Variants in CNTN3 observed in about 807,000 individuals in gnomAD.
The protein encoded by CNTN3 is contactin-3.
Under a neutral mutation model 119.1 loss-of-function variants are expected in CNTN3, and 60 were observed. The observed-to-expected ratio is 0.50, with a 90% CI of 0.41 to 0.62. The LOEUF (loss-of-function observed/expected upper bound fraction) is 0.62, where lower values mean the gene tolerates loss of function less well. CNTN3 is among the 20% of genes least tolerant of loss of function. The probability of loss-of-function intolerance (pLI) is 0.00; values close to 1 mark genes in which losing one functional copy is unlikely to be tolerated. For missense variants in CNTN3, 1,101 were observed against 1,242.4 expected, an observed-to-expected ratio of 0.89 and a Z score of 1.71; for synonymous variants, 450 against 438.7, an observed-to-expected ratio of 1.03 and a Z score of -0.32.
At chr3:74,468,776 T>C (rs1575756655) in intron 4 of CNTN3, among the ~76,000 whole-genome samples, 1 of 147,114 alleles carries the variant, frequency 6.8e-6, no homozygotes, top group East Asian at 2.0e-4. Flanking sequence ...AGCAAACAAG[T>C]GCCACTTCCA....
At chr3:74,293,515 T>C (rs896799683) in intron 19 of CNTN3, among the ~76,000 whole-genome samples, 1 of 152,134 alleles carries the variant, frequency 6.6e-6, no homozygotes, top group African/African-American at 2.4e-5. Flanking sequence ...CAGTCTGTCA[T>C]CCAGGCTACA....
intron 1 of CNTN3, among the ~76,000 whole-genome samples, chr3:74,540,424 T>C (rs1015808220): frequency 6.6e-6 from 1 of 152,144 alleles, no homozygotes; most frequent in Non-Finnish European, 1.5e-5. Context: ...AGAATATGTC[T>C]TCTTTGTTTT....
chr3:74,565,030 T>C (rs1236248281), intron 1 of CNTN3, among the ~76,000 whole-genome samples: 1 of 152,140 alleles, frequency 6.6e-6, no homozygotes, highest in Admixed American at 6.6e-5. Context: ...CAAGGGCAAA[T>C]CTACCTTCTA....
In CNTN3 at chr3:74,511,944, C is replaced by G. The variant is rs117231648; in HGVS notation, c.55+9114G>C. 2.3e-3 allele frequency among the ~76,000 whole-genome samples: 345 copies of G among 152,186 alleles called. 6 individuals are homozygous for G. In the East Asian group the frequency reaches 0.054, roughly 24 times the overall value. On this transcript the variant is annotated intron_variant, in intron 2 of 22. Transcript: ENST00000263665. ...ATGTCTACTAGGAGGAACAGTGACT[C>G]TGGACCACAATAAACATGATTTTTT...
chr3:74,541,241 T>C (rs990815152), intron 1 of CNTN3, among the ~76,000 whole-genome samples: 1 of 152,156 alleles, frequency 6.6e-6, no homozygotes, highest in African/African-American at 2.4e-5. Context: ...GTTACTCTCC[T>C]TGACACCCAT....
At chr3:74,420,312 C>T (rs1162068159) in intron 5 of CNTN3, among the ~76,000 whole-genome samples, 2 of 152,218 alleles carry the variant, frequency 1.3e-5, no homozygotes, top group East Asian at 1.9e-4. Flanking sequence ...GTTGCTGATA[C>T]TATCTTGTAA....
chr3:74,462,019 C>T (rs1380415848), intron 4 of CNTN3, among the ~76,000 whole-genome samples: 7 of 151,978 alleles, frequency 4.6e-5, no homozygotes, highest in East Asian at 3.9e-4. Context: ...TTATGAGGAT[C>T]GATCCCTCAT....
intron 1 of CNTN3, among the ~76,000 whole-genome samples, chr3:74,522,619 G>A (rs1703559468): frequency 1.3e-5 from 2 of 151,774 alleles, no homozygotes; most frequent in African/African-American, 2.4e-5. Context: ...ATGGGTGACT[G>A]GAAGTCCAGT....
intron 19 of CNTN3, among the ~76,000 whole-genome samples, chr3:74,289,523 A>T (rs1702182316): frequency 6.6e-6 from 1 of 152,188 alleles, no homozygotes; most frequent in African/African-American, 2.4e-5. Context: ...ATTGTGCTAC[A>T]TCACTATATA....
intron 4 of CNTN3, 31 bp from the exon 5 acceptor site, chr3:74,424,971 TAGAA>T (rs1041823978): frequency 7.0e-7 from 1 of 1,435,238 alleles, no homozygotes; most frequent in African/African-American, 1.4e-5. Context: ...AACTGAATTT[TAGAA>T]AGACCAATTA....
At chr3:74,590,395 A>G (rs771669803) in intron 1 of CNTN3, among the ~76,000 whole-genome samples, 1 of 152,078 alleles carries the variant, frequency 6.6e-6, no homozygotes, top group Non-Finnish European at 1.5e-5. Flanking sequence ...TAAGCAGACA[A>G]TGGACCAAAT....
At chr3:74,446,242 G>C (rs1702046168) in intron 4 of CNTN3, among the ~76,000 whole-genome samples, 1 of 152,112 alleles carries the variant, frequency 6.6e-6, no homozygotes, top group Admixed American at 6.5e-5. Context: ...TTTTTAAGAA[G>C]CAACAACAAA....
At chr3:74,540,944 A>C (rs924151140) in intron 1 of CNTN3, among the ~76,000 whole-genome samples, 11 of 152,212 alleles carry the variant, frequency 7.2e-5, no homozygotes, top group Admixed American at 7.2e-4. Flanking sequence ...AAAATACTTT[A>C]AATTTATTGC....
At chr3:74,344,784 T>C (rs993817129) in intron 11 of CNTN3, among the ~76,000 whole-genome samples, 2 of 152,140 alleles carry the variant, frequency 1.3e-5, no homozygotes, top group African/African-American at 4.8e-5. Context: ...TTAACCTTTC[T>C]AGGACACAAG....
chr3:74,373,856 T>C (rs1251277435), intron 5 of CNTN3, among the ~76,000 whole-genome samples: 2 of 152,178 alleles, frequency 1.3e-5, no homozygotes, highest in Non-Finnish European at 2.9e-5. Flanking sequence ...ATTAAAATCA[T>C]TTTAAGGCTG....
chr3:74,281,093 T>C (rs1701997792), intron 20 of CNTN3, among the ~76,000 whole-genome samples: 1 of 151,882 alleles, frequency 6.6e-6, no homozygotes, highest in Non-Finnish European at 1.5e-5. Context: ...AGAGCAGAGA[T>C]TGGGGAGTGG....
chr3:74,446,948 A>G (rs556732921), intron 4 of CNTN3, among the ~76,000 whole-genome samples: 1 of 152,284 alleles, frequency 6.6e-6, no homozygotes, highest in African/African-American at 2.4e-5. Context: ...GTCTTATTAT[A>G]TATGGATGTA....
intron 4 of CNTN3, among the ~76,000 whole-genome samples, chr3:74,467,589 T>C (rs993300924): frequency 6.7e-6 from 1 of 148,352 alleles, no homozygotes; most frequent in Non-Finnish European, 1.5e-5. Context: ...CTAAAAATTA[T>C]GGTACATGAT....
chr3:74,280,882 G>A (rs1701992109), intron 20 of CNTN3, among the ~76,000 whole-genome samples: 1 of 152,154 alleles, frequency 6.6e-6, no homozygotes, highest in African/African-American at 2.4e-5. Flanking sequence ...GATAAAACAG[G>A]GAAGGAGACA....
Sources: allele counts gnomAD v4.1 joint callset (sites outside exome capture counted in the v4.1 genomes callset), GRCh38; gene constraint gnomAD v4.1.1; transcripts MANE v1.5; gene names NCBI Gene and HGNC (gene_info 2026-07-23, HGNC 2026-07-21).